The following SKA1 variants were observed in gnomAD, a reference collection of about 807,000 sequenced individuals.
SKA1 encodes spindle and kinetochore associated complex subunit 1, also known as SKA complex subunit 1.
Under a neutral mutation model 31.8 loss-of-function variants are expected in SKA1, and 20 were observed. That is an observed-to-expected ratio of 0.63 (90% confidence interval 0.44 to 0.91). The LOEUF (loss-of-function observed/expected upper bound fraction) is 0.91, where lower values mean the gene tolerates loss of function less well. Ranked by LOEUF, SKA1 falls within the 40% of genes least tolerant of loss-of-function variation. The pLI is 0.00. For synonymous variants in SKA1, 88 were observed against 100.5 expected, an observed-to-expected ratio of 0.88 and a Z score of 0.74; for missense variants, 253 against 298.2, an observed-to-expected ratio of 0.85 and a Z score of 1.12.
chr18:50,378,964 C>T (rs1006948006), intron 2 of SKA1, among the ~76,000 whole-genome samples: 3 of 152,164 alleles, frequency 2.0e-5, no homozygotes, highest in Non-Finnish European at 4.4e-5. Context: ...CTAAGCCCAT[C>T]TTATATGTAC....
chr18:50,386,730 C>G (rs142065188), intron 5 of SKA1, among the ~76,000 whole-genome samples: 184 of 152,342 alleles, frequency 1.2e-3, no homozygotes, highest in African/African-American at 4.2e-3. Flanking sequence ...TATCCCACCT[C>G]TTTCTATCTC....
At chr18:50,384,358 T>G (rs1186768172) in intron 4 of SKA1, among the ~76,000 whole-genome samples, 1 of 152,186 alleles carries the variant, frequency 6.6e-6, no homozygotes, top group Non-Finnish European at 1.5e-5. Context: ...CTTGACTTGC[T>G]GCTGGCAACA....
chr18:50,381,723 GTTTT>G (rs552035122), intron 3 of SKA1, among the ~76,000 whole-genome samples: 2 of 54,422 alleles, frequency 3.7e-5, no homozygotes, highest in Non-Finnish European at 3.4e-5. Flanking sequence ...AGTCAATGTG[GTTTT>G]TTTTTTTTTT....
intron 4 of SKA1, among the ~76,000 whole-genome samples, chr18:50,384,938 T>TA (rs1342749154): frequency 6.7e-6 from 1 of 148,354 alleles, no homozygotes; most frequent in East Asian, 2.0e-4. Context: ...GCTGTTAACT[T>TA]ACTGACTTTG....
chr18:50,388,310 T>A (rs544823693), intron 5 of SKA1, among the ~76,000 whole-genome samples: 9 of 152,298 alleles, frequency 5.9e-5, no homozygotes, highest in African/African-American at 1.9e-4. Flanking sequence ...CAGGATGGTC[T>A]CCATCTCCTG....
At chr18:50,384,735 T>TGG (rs2041289784) in intron 4 of SKA1, among the ~76,000 whole-genome samples, 1 of 127,720 alleles carries the variant, frequency 7.8e-6, no homozygotes, top group African/African-American at 3.9e-5. Context: ...AGGGATAGCA[T>TGG]TGGGAGATAT....
rs781583139 is a variant in SKA1 at position 50,375,839 on chromosome 18, G to T, written c.9G>T (p.Ser3=). Residue 3 remains serine, a synonymous_variant, in exon 2 of 7, where the codon TCG becomes TCT. Transcript: ENST00000285116. MA[S]SDLEQLCSHV... ...CTTCAGAGGCTTAAAGGATGGCCTC[G>T]TCAGATCTGGAACAATTATGCTCTC... The T allele has an allele frequency of 3.7e-6, 6 of 1,605,158 alleles. No individual in the cohort carries two copies. Among genetic ancestry groups the T allele is most frequent in the Middle Eastern group, 1.7e-4 (1 of 6,032 alleles).
At position 50,392,351 on chromosome 18, in the gene SKA1, C is replaced by T. The variant is rs1599733497; in HGVS notation, c.*104C>T. The T allele has an allele frequency of 7.7e-6, 6 of 775,624 alleles. No homozygotes were observed. Among genetic ancestry groups the T allele is most frequent in the African/African-American group, 6.2e-5 (3 of 48,620 alleles). The allele number at this position is 775,624 out of a possible 1,614,324, so 48.0% of individuals were successfully genotyped here. ...TTTTAACTTTTAATCTTTTTTGTTT[C>T]CTTTTTTTTTTTTTTGAGACAGGAT... On this transcript the variant is annotated 3_prime_UTR_variant, in exon 7 of 7. Coordinates refer to ENST00000285116, the MANE Select transcript of SKA1 (RefSeq NM_145060.4).
chr18:50,376,606 A>G (rs556400118), intron 2 of SKA1, among the ~76,000 whole-genome samples: 1 of 152,328 alleles, frequency 6.6e-6, no homozygotes, highest in East Asian at 1.9e-4. Context: ...TGTAGGCTTT[A>G]TAAGTACTAT....
chr18:50,386,623 GT>G (rs914558306), intron 5 of SKA1, among the ~76,000 whole-genome samples: 3 of 152,112 alleles, frequency 2.0e-5, no homozygotes, highest in Non-Finnish European at 4.4e-5. Context: ...CCATCTATGG[GT>G]TTTGACAAAC....
intron 3 of SKA1, among the ~76,000 whole-genome samples, chr18:50,380,597 C>T (rs1423591428): frequency 6.6e-6 from 1 of 152,152 alleles, no homozygotes; most frequent in Non-Finnish European, 1.5e-5. Context: ...CCTTGGTACT[C>T]TCTGCCACCC....
intron 3 of SKA1, among the ~76,000 whole-genome samples, chr18:50,381,034 T>A (rs191679615): frequency 6.6e-6 from 1 of 152,342 alleles, no homozygotes; most frequent in Non-Finnish European, 1.5e-5. Context: ...TCCATGAATG[T>A]CATTCACCTC....
intron 5 of SKA1, among the ~76,000 whole-genome samples, chr18:50,386,160 T>C (rs1389170111): frequency 6.6e-6 from 1 of 151,208 alleles, no homozygotes; most frequent in African/African-American, 2.5e-5. Flanking sequence ...TGATAATTTT[T>C]CTATCATTAA....
intron 4 of SKA1, among the ~76,000 whole-genome samples, chr18:50,383,026 C>T (rs1332330770): frequency 1.4e-5 from 2 of 146,064 alleles, no homozygotes; most frequent in Non-Finnish European, 3.1e-5. Flanking sequence ...AGAGTAAGAC[C>T]CTGCCTCAAA....
chr18:50,376,007 C>T (rs578064023), intron 2 of SKA1, 89 bp downstream of exon 2: 3 of 760,892 alleles, frequency 3.9e-6, no homozygotes, highest in South Asian at 3.9e-5. Context: ...GGTTAAGTGA[C>T]TGCATCTTAG....
intron 2 of SKA1, among the ~76,000 whole-genome samples, chr18:50,377,895 T>TGG (rs1448999883): frequency 7.2e-6 from 1 of 139,348 alleles, no homozygotes; most frequent in Non-Finnish European, 1.5e-5. Flanking sequence ...TCACATACTC[T>TGG]GGAAAGTTAA....
intron 4 of SKA1, among the ~76,000 whole-genome samples, chr18:50,384,496 C>T (rs1251175147): frequency 1.3e-5 from 2 of 152,066 alleles, no homozygotes; most frequent in Non-Finnish European, 2.9e-5. Context: ...AGGGGTGACC[C>T]ATGATCATTG....
In SKA1 at chr18:50,380,238, C is replaced by T. The variant is rs141075961; in HGVS notation, c.201C>T (p.Asn67=). The T allele has an allele frequency of 7.8e-4, 1,201 of 1,544,206 alleles. 2 individuals carry two copies. Among genetic ancestry groups the T allele is most frequent in the Middle Eastern group, 1.9e-3 (11 of 5,900 alleles). The change falls in exon 3 of 7, where the codon AAC becomes AAT. Residue 67 remains asparagine (N), a synonymous_variant. Coordinates refer to ENST00000285116, the MANE Select transcript of SKA1 (RefSeq NM_145060.4). ...ELEIQYQEQT[N]NSLKELCESL... ...AAATTCAGTATCAAGAACAAACCAA[C>T]AATTCACTCAAGGTAATGTTTCTCT...
rs1422800473 is a variant in SKA1, at chr18:50,392,636, T to C, written c.*389T>C. 6.4e-6 allele frequency: 1 copy of C among 156,258 alleles called. No homozygotes were observed. Among genetic ancestry groups the C allele is most frequent in the East Asian group, 1.8e-4 (1 of 5,454 alleles). 9.7% of individuals were successfully genotyped at this position (156,258 alleles called of 1,614,324 possible). Reference sequence around the variant, plus strand: ...CACCCTCCTCAGCCTCCCAAAGTGCTGGGATTACAGGCTTGAGCCACCACA... The same window carrying C: ...CACCCTCCTCAGCCTCCCAAAGTGCCGGGATTACAGGCTTGAGCCACCACA... On this transcript the variant is annotated 3_prime_UTR_variant, in exon 7 of 7. Coordinates refer to ENST00000285116, the MANE Select transcript of SKA1 (RefSeq NM_145060.4).
Sources: gnomAD v4.1 joint callset for allele counts (sites outside exome capture counted in the v4.1 genomes callset) on GRCh38, gnomAD v4.1.1 for gene constraint, MANE v1.5 for transcripts, NCBI Gene and HGNC (gene_info 2026-07-23, HGNC 2026-07-21) for gene names.